The following PSG9 variants were observed in gnomAD, a reference collection of about 807,000 sequenced individuals.
The protein encoded by PSG9 is pregnancy-specific beta-1-glycoprotein 9.
PSG9 carries 49 observed loss-of-function variants against 41.9 expected under a neutral mutation model. The observed-to-expected ratio is 1.17, with a 90% CI of 0.93 to 1.48. The LOEUF is 1.48. PSG9 is among the 40% of genes most tolerant of loss of function. The pLI is 0.00. For synonymous variants in PSG9, 263 were observed against 196.8 expected, an observed-to-expected ratio of 1.34 and a Z score of -2.82; for missense variants, 641 against 520.3, an observed-to-expected ratio of 1.23 and a Z score of -2.26.
intron 2 of PSG9, among the ~76,000 whole-genome samples, chr19:43,263,952 G>C (rs531739427): frequency 6.6e-6 from 1 of 152,100 alleles, no homozygotes; most frequent in Non-Finnish European, 1.5e-5. Context: ...AGGAAAAATG[G>C]GGAGGACTGC....
rs553073156 is a variant in PSG9 at position 43,266,922 on chromosome 19, T to G, written c.430+862A>C. On this transcript the variant is annotated intron_variant, in intron 2 of 5. Coordinates refer to ENST00000270077, the MANE Select transcript of PSG9 (RefSeq NM_002784.5). ...ATGGCAAATGGACTGTGGCTTTTCA[T>G]GCTATCTGTGAATAAATGTTAAATG... Among the ~76,000 whole-genome samples the G allele has an allele frequency of 2.6e-5, 4 of 152,300 alleles. No individual in the cohort carries two copies. The South Asian group carries it at 8.3e-4, about 32-fold the overall frequency.
Position 43,265,617 on chromosome 19 carries a change from T to C in PSG9, c.430+2167A>G, listed in dbSNP as rs1434722000. Among the ~76,000 whole-genome samples the C allele has an allele frequency of 1.3e-5, 2 of 152,134 alleles. 1 individual carries two copies. The highest frequency in any genetic ancestry group is 2.9e-5 in the Non-Finnish European group (2 of 68,020). The stretch of plus-strand genomic sequence containing the variant: ...ACCCCTGATCCACTGGGGAGGCTGA[T>C]TTGAGTAATAATAAACATCCGTCCT... On this transcript the variant is annotated intron_variant, in intron 2 of 5. Transcript: ENST00000270077.
At chr19:43,259,822 G>A (rs1423749861) in intron 3 of PSG9, 1 of 147,762 alleles carries the variant, frequency 6.8e-6, no homozygotes, top group Non-Finnish European at 1.5e-5. Flanking sequence ...GAGTGAAGGC[G>A]ACAGGCAAGA....
chr19:43,267,663 C>A (rs542775611), intron 2 of PSG9, 121 bp downstream of exon 2: 2 of 1,527,364 alleles, frequency 1.3e-6, no homozygotes, highest in Admixed American at 3.4e-5. Context: ...ATGCCCAAAC[C>A]CCAGCATGGG....
intron 2 of PSG9, among the ~76,000 whole-genome samples, chr19:43,266,565 G>T (rs910567029): frequency 6.6e-5 from 10 of 151,930 alleles, no homozygotes; most frequent in African/African-American, 2.4e-4. Flanking sequence ...TCAGTGATGG[G>T]GGTTAAGATC....
chr19:43,257,469 C>T (rs532935617), intron 5 of PSG9: 5 of 977,010 alleles, frequency 5.1e-6, no homozygotes, highest in Admixed American at 6.3e-5. Flanking sequence ...CACTGTCCTC[C>T]GTGCTGTGTC....
At chr19:43,259,172 C>A (rs774113366) in intron 3 of PSG9, 37 bp from the exon 4 acceptor site, 3 of 1,579,724 alleles carry the variant, frequency 1.9e-6, no homozygotes, top group Non-Finnish European at 2.6e-6. Flanking sequence ...TCCTGTGTGG[C>A]ACCTTTGATT....
At chr19:43,265,452 T>C (rs546837327) in intron 2 of PSG9, among the ~76,000 whole-genome samples, 17 of 152,188 alleles carry the variant, frequency 1.1e-4, no homozygotes, top group South Asian at 6.2e-4. Flanking sequence ...AATGGCTCAG[T>C]CAGTCATGTG....
intron 1 of PSG9, 135 bp downstream of exon 1, chr19:43,269,233 T>C: frequency 6.9e-7 from 1 of 1,455,424 alleles, no homozygotes; most frequent in Admixed American, 1.9e-5. Flanking sequence ...CTTGAACTCC[T>C]GATCTCGTGA....
chr19:43,264,770 T>G (rs547768564), intron 2 of PSG9, among the ~76,000 whole-genome samples: 1 of 152,318 alleles, frequency 6.6e-6, no homozygotes, highest in Admixed American at 6.5e-5. Flanking sequence ...GGGATTTTAA[T>G]GAGTTGTTGA....
At chr19:43,259,182 T>A (rs1968593020) in intron 3 of PSG9, 47 bp from the exon 4 acceptor site, 1 of 1,574,312 alleles carries the variant, frequency 6.4e-7, no homozygotes, top group Non-Finnish European at 8.6e-7. Flanking sequence ...CACCTTTGAT[T>A]CCTCCACAGG....
chr19:43,253,482 A>G lies in PSG9; in HGVS notation c.*127T>C. The G allele has an allele frequency of 2.3e-6, 1 of 434,878 alleles. No homozygotes were observed. Among genetic ancestry groups the G allele is most frequent in the Non-Finnish European group, 4.1e-6 (1 of 244,014 alleles). The allele number at this position is 434,878 out of a possible 1,614,324, so 26.9% of individuals were successfully genotyped here. A position where few individuals can be genotyped will look rare whatever the true frequency, so the allele number is the denominator to read the frequency against. ...ATTCAAAGAATCAGCACATTTTCCAATAAAAAATTATGAAAACATTATCCT... is the reference window on the plus strand; with the variant it reads ...ATTCAAAGAATCAGCACATTTTCCAGTAAAAAATTATGAAAACATTATCCT... On this transcript the variant is annotated 3_prime_UTR_variant, in exon 6 of 6. Coordinates refer to ENST00000270077, the MANE Select transcript of PSG9 (RefSeq NM_002784.5).
rs58027867 is a variant in PSG9 at position 43,257,697 on chromosome 19, G to C, written c.1243+505C>G. ...CCCACCCCAGGTTGAGTGAGGCAGG[G>C]CCAGTCACCAGAGGAGCCCGGAGCA... On this transcript the variant is annotated intron_variant, in intron 5 of 5. Transcript: ENST00000270077. The C allele has an allele frequency of 1.8e-6, 2 of 1,111,004 alleles. 1 individual carries two copies. Among genetic ancestry groups the C allele is most frequent in the Non-Finnish European group, 2.2e-6 (2 of 919,822 alleles). The allele number at this position is 1,111,004 out of a possible 1,614,324, so 68.8% of individuals were successfully genotyped here.
At chr19:43,254,269 A>G (rs1968368524) in intron 5 of PSG9, among the ~76,000 whole-genome samples, 1 of 146,290 alleles carries the variant, frequency 6.8e-6, no homozygotes, top group Non-Finnish European at 1.5e-5. Flanking sequence ...GCATGGTGTA[A>G]AAACTTTCCT....
At chr19:43,265,295 G>C (rs565931288) in intron 2 of PSG9, among the ~76,000 whole-genome samples, 1 of 152,132 alleles carries the variant, frequency 6.6e-6, no homozygotes, top group East Asian at 1.9e-4. Flanking sequence ...TGACTGCTCC[G>C]ATGTCATTTG....
In PSG9 at chr19:43,269,384, C is replaced by T. The variant is rs559295202; in HGVS notation, c.48G>A (p.Lys16=). 1 of 1,613,652 alleles carries T rather than the reference C, an allele frequency of 6.2e-7. No homozygotes were observed. Among genetic ancestry groups the T allele is most frequent in the African/African-American group, 1.3e-5 (1 of 75,034 alleles). ...TCTCCTCACCTGTGAGCAGGAGCCC[C>T]TTCCAGGTGATGCGCTGTGTGCAGG... is the stretch of plus-strand genomic sequence containing the variant. ...APSCTQRITW[K]GLLLTASLLN... Residue 16 remains lysine (K), a synonymous_variant, in exon 1 of 6, where the codon AAG becomes AAA. Coordinates refer to ENST00000270077, the MANE Select transcript of PSG9 (RefSeq NM_002784.5).
chr19:43,264,261 A>G (rs1200070885), intron 2 of PSG9, among the ~76,000 whole-genome samples: 2 of 152,136 alleles, frequency 1.3e-5, no homozygotes, highest in Non-Finnish European at 2.9e-5. Context: ...CAACTACAAA[A>G]TTTAAAAATT....
chr19:43,257,867 A>C, intron 5 of PSG9: 1 of 1,381,404 alleles, frequency 7.2e-7, no homozygotes, highest in Non-Finnish European at 9.3e-7. Flanking sequence ...GACGTGGCAG[A>C]AGGGGATGTG....
Position 43,266,464 on chromosome 19 carries a change from T to C in PSG9, c.430+1320A>G, listed in dbSNP as rs377155289. On this transcript the variant is annotated intron_variant, in intron 2 of 5. Transcript: ENST00000270077. Reference sequence around the variant, plus strand: ...GTCTCTCGCTGGGCCTGTGCTGGTGTAGGGTGTGAGTGGGGAAAGAAAACA... The same window carrying C: ...GTCTCTCGCTGGGCCTGTGCTGGTGCAGGGTGTGAGTGGGGAAAGAAAACA... Among the ~76,000 whole-genome samples the C allele has an allele frequency of 3.5e-3, 528 of 151,490 alleles. 1 individual carries two copies. Among genetic ancestry groups the C allele is most frequent in the African/African-American group, 0.012 (475 of 40,870 alleles).
Sources: allele counts gnomAD v4.1 joint callset (sites outside exome capture counted in the v4.1 genomes callset), GRCh38; gene constraint gnomAD v4.1.1; transcripts MANE v1.5; gene names NCBI Gene and HGNC (gene_info 2026-07-23, HGNC 2026-07-21).